The following TSC22D1 variants were observed in gnomAD, a reference collection of about 807,000 sequenced individuals.
The protein encoded by TSC22D1 is TSC22 domain family member 1, also known as TSC22 domain family protein 1.
TSC22D1 carries 9 observed loss-of-function variants against 74.2 expected under a neutral mutation model. That is an observed-to-expected ratio of 0.12 (90% confidence interval 0.07 to 0.21). The LOEUF (loss-of-function observed/expected upper bound fraction) is 0.21, where lower values mean the gene tolerates loss of function less well. Ranked by LOEUF, TSC22D1 falls within the 10% of genes least tolerant of loss-of-function variation. The pLI is 1.00. For synonymous variants in TSC22D1, 586 were observed against 492.5 expected (o/e 1.19, Z -2.51); for missense variants, 1,427 against 1,304.7 (o/e 1.09, Z -1.44).
intron 1 of TSC22D1, among the ~76,000 whole-genome samples, chr13:44,509,572 G>A (rs552408394): frequency 9.2e-5 from 14 of 152,264 alleles, no homozygotes; most frequent in Admixed American, 2.0e-4. Flanking sequence ...CCCAGGAGGC[G>A]GAGGTTGCAG....
chr13:44,564,698 A>G (rs1219000550), intron 1 of TSC22D1, among the ~76,000 whole-genome samples: 1 of 152,178 alleles, frequency 6.6e-6, no homozygotes, highest in Non-Finnish European at 1.5e-5. Context: ...CTGGCCAAGT[A>G]AGTTACCTGA....
In TSC22D1 at chr13:44,575,697, G is replaced by A. The variant is rs576508899; in HGVS notation, c.378C>T (p.Ser126=). Residue 126 remains serine, a synonymous_variant, in exon 1 of 3, where the codon AGC becomes AGT. Transcript: ENST00000458659. ...VTPAQISASI[S]SNNSIAEDTE... ...TGTCCTCTGCTATACTGTTGTTAGA[G>A]CTGATACTAGCGGAGATCTGAGCAG... 1.2e-6 allele frequency: 2 copies of A among 1,614,214 alleles called. No individual in the cohort carries two copies. Among genetic ancestry groups the A allele is most frequent in the South Asian group, 1.1e-5 (1 of 91,078 alleles).
At chr13:44,472,407 A>T (rs922369798) in intron 1 of TSC22D1, among the ~76,000 whole-genome samples, 12 of 152,060 alleles carry the variant, frequency 7.9e-5, no homozygotes, top group South Asian at 4.1e-4. Flanking sequence ...TACTTTGCAC[A>T]CTGGTATCAA....
At chr13:44,516,407 T>G in intron 1 of TSC22D1, 2 of 408,524 alleles carry the variant, frequency 4.9e-6, no homozygotes, top group Non-Finnish European at 9.4e-6. Context: ...TAAAAGTTCC[T>G]GAAGACTTGA....
chr13:44,541,875 C>T (rs1214083812), intron 1 of TSC22D1, among the ~76,000 whole-genome samples: 1 of 152,112 alleles, frequency 6.6e-6, no homozygotes, highest in Admixed American at 6.5e-5. Flanking sequence ...TATCTACATA[C>T]ATTTTCACAG....
chr13:44,513,222 G>A (rs925555853), intron 1 of TSC22D1, among the ~76,000 whole-genome samples: 2 of 152,168 alleles, frequency 1.3e-5, no homozygotes, highest in Non-Finnish European at 2.9e-5. Flanking sequence ...TATTAAGTGA[G>A]CTTCTGCATG....
At chr13:44,505,547 G>A (rs532761553) in intron 1 of TSC22D1, among the ~76,000 whole-genome samples, 12 of 152,114 alleles carry the variant, frequency 7.9e-5, no homozygotes, top group East Asian at 1.9e-4. Flanking sequence ...ATGAGACTCC[G>A]TCTCAAAAAA....
intron 1 of TSC22D1, among the ~76,000 whole-genome samples, chr13:44,456,188 C>T (rs1439661318): frequency 2.0e-5 from 3 of 152,186 alleles, no homozygotes; most frequent in Non-Finnish European, 2.9e-5. Context: ...AAAAAGTGAG[C>T]AGCAGCAAGA....
intron 1 of TSC22D1, among the ~76,000 whole-genome samples, chr13:44,467,315 C>T (rs1877345322): frequency 6.6e-6 from 1 of 152,098 alleles, no homozygotes; most frequent in Admixed American, 6.5e-5. Context: ...AAACCCAGGA[C>T]ACACTTTCTG....
chr13:44,517,861 T>A lies in TSC22D1; in HGVS notation c.2912+55302A>T, dbSNP rs865813783. On this transcript the variant is annotated intron_variant, in intron 1 of 2. Coordinates refer to ENST00000458659, the MANE Select transcript of TSC22D1 (RefSeq NM_183422.4). ...TATATATATATATATATATATATTT[T>A]TTTTTTTTTTTTTTTTTTAACAAGG... Among the ~76,000 whole-genome samples, 378 of 38,028 alleles carry A rather than the reference T, an allele frequency of 9.9e-3. 4 individuals carry two copies. The highest frequency in any genetic ancestry group is 0.023 in the African/African-American group (274 of 12,018). 24.9% of individuals were successfully genotyped at this position (38,028 alleles called of 152,430 possible).
At chr13:44,446,530 G>C (rs1056370752) in intron 1 of TSC22D1, among the ~76,000 whole-genome samples, 2 of 152,108 alleles carry the variant, frequency 1.3e-5, no homozygotes, top group African/African-American at 4.8e-5. Flanking sequence ...CTACCTATGA[G>C]GTACCTCGTT....
In TSC22D1 at chr13:44,573,472, A is replaced by G. The variant is rs1345207612; in HGVS notation, c.2603T>C (p.Leu868Ser). ...GGGAGGTTGACTAACACTTTGAACC[A>G]AATTACCATTTTGGGTAGCAGGGGT... is the stretch of plus-strand genomic sequence containing the variant. ...AQTPATQNGN[L>S]VQSVSQPPLI... is the part of the protein sequence containing the mutation. Residue 868 changes from leucine to serine, a missense_variant, in exon 1 of 3, where the codon TTG becomes TCG. Physicochemically the swap from Leu to Ser is moderately radical, Grantham distance 145. Around this residue, in one of 3 missense-constraint regions of TSC22D1, gnomAD observed 1,343 missense variants for 1,191.5 expected, o/e 1.13. Transcript: ENST00000458659. 7 of 1,614,132 alleles carry G rather than the reference A, an allele frequency of 4.3e-6. No homozygotes were observed. The highest frequency in any genetic ancestry group is 5.9e-6 in the Non-Finnish European group (7 of 1,180,060).
At chr13:44,531,836 C>T (rs1489893107) in intron 1 of TSC22D1, among the ~76,000 whole-genome samples, 2 of 152,170 alleles carry the variant, frequency 1.3e-5, no homozygotes, top group African/African-American at 4.8e-5. Context: ...CAATATGCAA[C>T]ACAAGACTGT....
chr13:44,450,512 A>G (rs1488746157), intron 1 of TSC22D1, among the ~76,000 whole-genome samples: 1 of 152,210 alleles, frequency 6.6e-6, no homozygotes, highest in Non-Finnish European at 1.5e-5. Flanking sequence ...AAGGAAGGAA[A>G]TAATGAGGGC....
chr13:44,470,504 G>C (rs1877539904), intron 1 of TSC22D1, among the ~76,000 whole-genome samples: 1 of 152,098 alleles, frequency 6.6e-6, no homozygotes, highest in Non-Finnish European at 1.5e-5. Context: ...TATTTTTATA[G>C]GAAAGATTCC....
rs776152527 is a variant in TSC22D1 at position 44,575,285 on chromosome 13, T to C, written c.790A>G (p.Thr264Ala). The C allele has an allele frequency of 1.9e-6, 3 of 1,614,124 alleles. No homozygotes were observed. Among genetic ancestry groups the C allele is most frequent in the South Asian group, 1.1e-5 (1 of 91,082 alleles). ...PSSPVSRKLS[T>A]TGSSDSITPV... Reference sequence around the variant, plus strand: ...GTGATACTGTCAGAGCTTCCAGTTGTAGAGAGTTTTCTAGATACTGGGCTT... The same window carrying C: ...GTGATACTGTCAGAGCTTCCAGTTGCAGAGAGTTTTCTAGATACTGGGCTT... The change falls in exon 1 of 3, where the codon ACA (threonine) becomes GCA (alanine). Residue 264 changes from threonine to alanine, a missense_variant. Transcript: ENST00000458659.
chr13:44,434,989 T>TCC, intron 2 of TSC22D1, 106 bp from the exon 3 acceptor site: 1 of 1,001,078 alleles, frequency 1.0e-6, no homozygotes, highest in Non-Finnish European at 1.5e-6. Context: ...ATTTACATAT[T>TCC]CCACCTTTAA....
intron 1 of TSC22D1, among the ~76,000 whole-genome samples, chr13:44,492,640 TC>T (rs1422969261): frequency 6.6e-6 from 1 of 151,348 alleles, no homozygotes; most frequent in African/African-American, 2.4e-5. Flanking sequence ...AAATATAAGC[TC>T]CCCCCTCCAA....
intron 1 of TSC22D1, among the ~76,000 whole-genome samples, chr13:44,551,389 G>GGT (rs376368576): frequency 0.1 from 12,595 of 125,116 alleles, 666 homozygotes; most frequent in Middle Eastern, 0.13. Context: ...CAATCAGATG[G>GGT]GTGTGTGTGT....
Sources: allele counts gnomAD v4.1 joint callset (sites outside exome capture counted in the v4.1 genomes callset), GRCh38; gene constraint gnomAD v4.1.1; regional missense constraint gnomAD v4.1.1; transcripts MANE v1.5; gene names NCBI Gene and HGNC (gene_info 2026-07-23, HGNC 2026-07-21).